The following KCNMA1 variants were observed in gnomAD, a reference collection of about 807,000 sequenced individuals.
KCNMA1 encodes Calcium-activated potassium channel subunit alpha-1.
KCNMA1 carries 29 observed loss-of-function variants against 140.0 expected under a neutral mutation model. The ratio of observed to expected loss-of-function variants is 0.21; its 90% CI spans 0.15 to 0.28. KCNMA1 has a LOEUF of 0.28. KCNMA1 is among the 10% of genes least tolerant of loss of function. The pLI is 1.00. For synonymous variants in KCNMA1, 612 were observed against 611.9 expected (o/e 1.00, Z 0.00); for missense variants, 880 against 1,602.2 (o/e 0.55, Z 7.70).
At chr10:77,107,654 G>A (rs930054877) in intron 9 of KCNMA1, among the ~76,000 whole-genome samples, 6 of 152,250 alleles carry the variant, frequency 3.9e-5, no homozygotes, top group East Asian at 3.9e-4. Flanking sequence ...AATAGTTCCC[G>A]AGAAGAAAGC....
intron 2 of KCNMA1, among the ~76,000 whole-genome samples, chr10:77,259,496 G>GAA (rs911126826): frequency 6.7e-6 from 1 of 149,670 alleles, no homozygotes; most frequent in Admixed American, 6.6e-5. Context: ...TTGGTATGAA[G>GAA]AAAAAAAAAA....
At chr10:77,503,298 T>C (rs1007773670) in intron 1 of KCNMA1, among the ~76,000 whole-genome samples, 15 of 152,134 alleles carry the variant, frequency 9.9e-5, no homozygotes, top group African/African-American at 3.6e-4. Context: ...AGTACACATT[T>C]TGGATTTTTT....
At chr10:77,109,989 G>A (rs1025154802) in intron 8 of KCNMA1, among the ~76,000 whole-genome samples, 184 bp downstream of exon 8, 1 of 152,226 alleles carries the variant, frequency 6.6e-6, no homozygotes, top group Admixed American at 6.5e-5. Flanking sequence ...TATGGGACAA[G>A]TGTAATACAC....
At chr10:77,539,020 C>T (rs1047990258) in intron 1 of KCNMA1, among the ~76,000 whole-genome samples, 8 of 152,160 alleles carry the variant, frequency 5.3e-5, no homozygotes, top group Non-Finnish European at 2.9e-5. Flanking sequence ...CCTACATCTA[C>T]CCAAGAGGCT....
At chr10:77,628,138 AACTTGAAATGCACAT>A (rs990232945) in intron 1 of KCNMA1, among the ~76,000 whole-genome samples, 1 of 152,088 alleles carries the variant, frequency 6.6e-6, no homozygotes, top group Non-Finnish European at 1.5e-5. Context: ...TTATACTCCC[AACTTGAAATGCACAT>A]ACAGGCAGCC....
At chr10:77,472,377 C>T (rs2098183096) in intron 1 of KCNMA1, among the ~76,000 whole-genome samples, 1 of 148,786 alleles carries the variant, frequency 6.7e-6, no homozygotes, top group African/African-American at 2.5e-5. Flanking sequence ...ATACTACACA[C>T]ACACTATACA....
intron 1 of KCNMA1, among the ~76,000 whole-genome samples, chr10:77,435,873 C>T (rs2097253068): frequency 6.6e-6 from 1 of 152,206 alleles, no homozygotes; most frequent in Non-Finnish European, 1.5e-5. Flanking sequence ...AACCCATCCA[C>T]CTGGCAGTGA....
At chr10:77,470,965 G>A (rs1049621055) in intron 1 of KCNMA1, among the ~76,000 whole-genome samples, 1 of 152,028 alleles carries the variant, frequency 6.6e-6, no homozygotes, top group Non-Finnish European at 1.5e-5. Context: ...GAGGCAGCCC[G>A]GCTCATCCAA....
At chr10:77,256,775 A>T (rs904963269) in intron 2 of KCNMA1, among the ~76,000 whole-genome samples, 1 of 152,166 alleles carries the variant, frequency 6.6e-6, no homozygotes, top group Non-Finnish European at 1.5e-5. Flanking sequence ...ACAATTTTCT[A>T]TATATGATCC....
At chr10:77,082,565 G>A (rs528871460) in intron 12 of KCNMA1, among the ~76,000 whole-genome samples, 2 of 152,108 alleles carry the variant, frequency 1.3e-5, no homozygotes, top group East Asian at 3.9e-4. Flanking sequence ...TTCCTTAAAG[G>A]GTTACATTTT....
chr10:77,156,354 G>A (rs497578), intron 5 of KCNMA1, among the ~76,000 whole-genome samples: 137,572 of 152,128 alleles, frequency 0.9, 62,297 homozygotes, highest in African/African-American at 0.97. Context: ...AAAGTTTAGC[G>A]ATTGCTTCAT....
chr10:77,106,430 G>A lies in KCNMA1; in HGVS notation c.1223+2051C>T, dbSNP rs186741241. Among the ~76,000 whole-genome samples the A allele has an allele frequency of 1.2e-3, 176 of 152,254 alleles. 1 individual carries two copies. The highest frequency in any genetic ancestry group is 2.0e-3 in the Non-Finnish European group (134 of 68,020). On this transcript the variant is annotated intron_variant, in intron 9 of 27. Coordinates refer to ENST00000286628, the MANE Select transcript of KCNMA1 (RefSeq NM_001161352.2). ...ATGACCGGATCGGACTGGGGGCAGT[G>A]AGTGAGTGCCGGGCTGAGAGCCCCA... is the stretch of plus-strand genomic sequence containing the variant.
At chr10:77,289,158 A>T (rs1032893286) in intron 2 of KCNMA1, among the ~76,000 whole-genome samples, 1 of 152,162 alleles carries the variant, frequency 6.6e-6, no homozygotes, top group African/African-American at 2.4e-5. Context: ...GATCAAGATC[A>T]CCAAACCCAT....
At chr10:77,572,551 C>A in intron 1 of KCNMA1, among the ~76,000 whole-genome samples, 2 of 50,754 alleles carry the variant, frequency 3.9e-5, no homozygotes, top group African/African-American at 8.2e-5. Flanking sequence ...CTCTGTCGCT[C>A]CAAAAAAAAA....
At chr10:77,293,182 G>C (rs2073893576) in intron 2 of KCNMA1, among the ~76,000 whole-genome samples, 1 of 152,154 alleles carries the variant, frequency 6.6e-6, no homozygotes, top group Non-Finnish European at 1.5e-5. Flanking sequence ...AAGGAGTTTG[G>C]AACTTACAAT....
At chr10:77,637,041 C>T in intron 1 of KCNMA1, 2 of 1,401,536 alleles carry the variant, frequency 1.4e-6, no homozygotes, top group South Asian at 1.6e-5. Flanking sequence ...TGAGCGTCCG[C>T]GTCCCGGAGC....
intron 21 of KCNMA1, among the ~76,000 whole-genome samples, chr10:76,951,827 C>G (rs1374951743): frequency 6.6e-6 from 1 of 152,060 alleles, no homozygotes; most frequent in Non-Finnish European, 1.5e-5. Context: ...CTAGAGATAA[C>G]TCCTCTTCCC....
At chr10:77,554,764 C>T (rs1411570748) in intron 1 of KCNMA1, among the ~76,000 whole-genome samples, 10 of 152,130 alleles carry the variant, frequency 6.6e-5, no homozygotes, top group African/African-American at 9.7e-5. Flanking sequence ...TTCCTGGAAA[C>T]GGTGCCATCT....
intron 14 of KCNMA1, chr10:77,063,884 C>T: frequency 3.0e-6 from 3 of 985,444 alleles, no homozygotes; most frequent in Non-Finnish European, 3.6e-6. Flanking sequence ...AGAGCTCAGA[C>T]TGATGCTTGG....
Sources: gnomAD v4.1 joint callset for allele counts (sites outside exome capture counted in the v4.1 genomes callset) on GRCh38, gnomAD v4.1.1 for gene constraint, MANE v1.5 for transcripts, NCBI Gene and HGNC (gene_info 2026-07-23, HGNC 2026-07-21) for gene names.